SPATA13: variants seen among roughly 807,000 people sequenced by gnomAD.
SPATA13 encodes the protein spermatogenesis-associated protein 13.
In SPATA13, 50 loss-of-function variants were observed where a neutral mutation model predicts 104.0. The observed-to-expected ratio is 0.48, with a 90% CI of 0.38 to 0.61. SPATA13 has a LOEUF of 0.61. Ranked by LOEUF, SPATA13 falls within the 20% of genes least tolerant of loss-of-function variation. The pLI is 0.00. For missense variants in SPATA13, 1,524 were observed against 1,690.6 expected (o/e 0.90, Z 1.73); for synonymous variants, 606 against 667.5 (o/e 0.91, Z 1.42).
chr13:23,990,392 C>T (rs1875357031), intron 2 of SPATA13, among the ~76,000 whole-genome samples: 1 of 152,164 alleles, frequency 6.6e-6, no homozygotes, highest in Non-Finnish European at 1.5e-5. Flanking sequence ...TGTTTCCTTG[C>T]TCATTGCCCC....
rs770890619 is a variant in SPATA13 at position 24,088,712 on chromosome 13, G to C, written c.-112+71011G>C. On this transcript the variant is annotated intron_variant, in intron 3 of 14. Coordinates refer to the SPATA13 transcript ENST00000424834. This position sits in a 1 kb window ranked among gnomAD's most constrained non-coding sequence, Gnocchi z 4.3. ...AGAAACTCAGTGGCACTCGGGCCCT[G>C]CTTCTCACTGAGAGCTGCGTTTCCA... Among the ~76,000 whole-genome samples the C allele has an allele frequency of 3.9e-5, 6 of 152,204 alleles. No homozygotes were observed. Among genetic ancestry groups the C allele is most frequent in the East Asian group, 1.9e-4 (1 of 5,200 alleles).
At chr13:24,099,417 C>T (rs1880184777) in intron 3 of SPATA13, among the ~76,000 whole-genome samples, 1 of 152,230 alleles carries the variant, frequency 6.6e-6, no homozygotes, top group African/African-American at 2.4e-5. Flanking sequence ...AATGTTAGTT[C>T]CTCAGTCTCA....
chr13:24,098,588 C>A (rs1276949866), intron 3 of SPATA13, among the ~76,000 whole-genome samples: 2 of 107,876 alleles, frequency 1.9e-5, no homozygotes, highest in Non-Finnish European at 2.0e-5. Context: ...TAGAGTGAGA[C>A]TGTCTTAAAA....
At chr13:24,107,935 T>C (rs1880507199) in intron 3 of SPATA13, among the ~76,000 whole-genome samples, 1 of 152,272 alleles carries the variant, frequency 6.6e-6, no homozygotes, top group Non-Finnish European at 1.5e-5. Flanking sequence ...CTTATCTTAG[T>C]CCATTTGTGC....
intron 3 of SPATA13, among the ~76,000 whole-genome samples, chr13:24,040,968 G>T (rs532085417): frequency 3.7e-4 from 57 of 152,292 alleles, no homozygotes; most frequent in African/African-American, 8.9e-4. Flanking sequence ...CAGGGGGAAC[G>T]AACAATGAGG....
upstream of SPATA13, among the ~76,000 whole-genome samples, chr13:24,158,860 T>C (rs1882344112): frequency 6.6e-6 from 1 of 152,148 alleles, no homozygotes; most frequent in South Asian, 2.1e-4. Flanking sequence ...GTACAGGGCC[T>C]CAAGGATGCG....
chr13:24,285,495 C>T (rs930546707), intron 5 of SPATA13, among the ~76,000 whole-genome samples: 1 of 151,816 alleles, frequency 6.6e-6, no homozygotes, highest in Non-Finnish European at 1.5e-5. Context: ...AAAAAGGGGC[C>T]TGCCTGCCTG....
rs540523450 is a variant in SPATA13, at chr13:24,008,850, T to C, written c.-146-8817T>C. Among the ~76,000 whole-genome samples the C allele has an allele frequency of 2.6e-5, 4 of 152,070 alleles. No individual in the cohort carries two copies. The South Asian group carries it at 6.2e-4, about 24-fold the overall frequency. On this transcript the variant is annotated intron_variant, in intron 2 of 14. Coordinates refer to the SPATA13 transcript ENST00000424834. ...CCTGTCCATGAAAATGACTCACTGATGGAATGACCCACAGGCCCCAGACAG... is the reference window on the plus strand; with the variant it reads ...CCTGTCCATGAAAATGACTCACTGACGGAATGACCCACAGGCCCCAGACAG...
At chr13:24,042,376 C>A (rs1219518975) in intron 3 of SPATA13, among the ~76,000 whole-genome samples, 1 of 152,212 alleles carries the variant, frequency 6.6e-6, no homozygotes, top group African/African-American at 2.4e-5. Context: ...TGATGCAGTT[C>A]TAGCCTTTGT....
At chr13:24,019,189 C>T (rs1044845020) in intron 3 of SPATA13, among the ~76,000 whole-genome samples, 11 of 149,148 alleles carry the variant, frequency 7.4e-5, no homozygotes, top group South Asian at 2.1e-4. Flanking sequence ...CCCGGGTTCA[C>T]GCCATTCTCC....
intron 3 of SPATA13, among the ~76,000 whole-genome samples, chr13:24,053,812 C>G (rs1878447937): frequency 6.6e-6 from 1 of 152,184 alleles, no homozygotes; most frequent in Non-Finnish European, 1.5e-5. Flanking sequence ...TTCTTGATGG[C>G]TGTTTGAAAC....
rs562773768 is a variant in SPATA13, at chr13:24,247,594, C to T, written c.1654-1883C>T. ...TCCCGTGTTCAAGTGACTCTCCTGC[C>T]GCCTCAGCCCCCCAAGTAGCTGGGA... On this transcript the variant is annotated intron_variant, in intron 2 of 12. Coordinates refer to ENST00000382108, the MANE Select transcript of SPATA13 (RefSeq NM_001166271.3). Among the ~76,000 whole-genome samples, 14 of 149,296 alleles carry T rather than the reference C, an allele frequency of 9.4e-5. No homozygotes were observed. In the South Asian group the frequency reaches 1.1e-3, roughly 11 times the overall value.
chr13:24,116,954 C>G (rs1221092434), intron 3 of SPATA13, among the ~76,000 whole-genome samples: 4 of 152,332 alleles, frequency 2.6e-5, no homozygotes, highest in African/African-American at 7.2e-5. Context: ...TGTCTGCAAG[C>G]TGGGAAGAGA....
At chr13:24,101,719 T>G (rs1257770832) in intron 3 of SPATA13, among the ~76,000 whole-genome samples, 1 of 152,162 alleles carries the variant, frequency 6.6e-6, no homozygotes. Context: ...CCTATATAAG[T>G]GGAATTGTTC....
intron 3 of SPATA13, among the ~76,000 whole-genome samples, chr13:24,076,181 C>T (rs1566094324): frequency 6.6e-6 from 1 of 152,106 alleles, no homozygotes; most frequent in African/African-American, 2.4e-5. Flanking sequence ...TTGAGGAAAA[C>T]AACAGAAACA....
chr13:24,260,953 T>G (rs1874035548), intron 4 of SPATA13, among the ~76,000 whole-genome samples: 1 of 152,198 alleles, frequency 6.6e-6, no homozygotes, highest in South Asian at 2.1e-4. Context: ...TTTTTTTGGC[T>G]TAGGGCTTTT....
chr13:24,288,673 G>A (rs1593503574), intron 7 of SPATA13, among the ~76,000 whole-genome samples: 1 of 152,162 alleles, frequency 6.6e-6, no homozygotes. Flanking sequence ...ATGGAATTAG[G>A]GTTGGGAGAA....
intron 1 of SPATA13, among the ~76,000 whole-genome samples, chr13:24,191,042 C>T (rs1266402504): frequency 6.6e-6 from 1 of 152,116 alleles, no homozygotes; most frequent in Admixed American, 6.5e-5. Flanking sequence ...AGGCAAGACC[C>T]TCCACCAGAA....
intron 3 of SPATA13, among the ~76,000 whole-genome samples, chr13:24,151,025 C>A (rs1882086360): frequency 6.6e-6 from 1 of 152,190 alleles, no homozygotes; most frequent in African/African-American, 2.4e-5. Context: ...GGGGTCTTTG[C>A]ATATTTTAAT....
Sources: gnomAD v4.1 joint callset for allele counts (sites outside exome capture counted in the v4.1 genomes callset) on GRCh38, gnomAD v4.1.1 for gene constraint, Gnocchi (gnomAD v3.1) non-coding constraint, MANE v1.5 for transcripts, NCBI Gene and HGNC (gene_info 2026-07-23, HGNC 2026-07-21) for gene names.